The following GANC variants were observed in gnomAD, a reference collection of about 807,000 sequenced individuals.
The protein encoded by GANC is neutral alpha-glucosidase C.
In GANC, 117 loss-of-function variants were observed where a neutral mutation model predicts 124.2. The observed-to-expected ratio is 0.94, with a 90% CI of 0.81 to 1.10. GANC has a LOEUF of 1.10. Ranked by LOEUF, GANC falls within the 50% of genes least tolerant of loss-of-function variation. The pLI is 0.00. For missense variants in GANC, 1,140 were observed against 1,095.0 expected (o/e 1.04, Z -0.58); for synonymous variants, 377 against 376.8 (o/e 1.00, Z -0.01).
chr15:42,289,828 T>C (rs1043119572), intron 4 of GANC, among the ~76,000 whole-genome samples: 2 of 152,142 alleles, frequency 1.3e-5, no homozygotes, highest in African/African-American at 4.8e-5. Context: ...TTTAAAGCAG[T>C]AAATAAGTTA....
chr15:42,283,368 AGTT>A (rs533199144), intron 3 of GANC, among the ~76,000 whole-genome samples: 57 of 152,316 alleles, frequency 3.7e-4, no homozygotes, highest in Admixed American at 1.1e-3. Context: ...TGTAGAACTC[AGTT>A]GTTGTTGTTG....
intron 10 of GANC, among the ~76,000 whole-genome samples, chr15:42,312,312 A>G (rs975158476): frequency 1.6e-4 from 25 of 152,148 alleles, no homozygotes; most frequent in African/African-American, 5.5e-4. Flanking sequence ...GTTGTGGGAG[A>G]GACCCGGTGG....
chr15:42,290,680 C>T (rs527859630), intron 4 of GANC, among the ~76,000 whole-genome samples: 97 of 152,238 alleles, frequency 6.4e-4, no homozygotes, highest in Non-Finnish European at 1.1e-3. Flanking sequence ...TGGTAGCACA[C>T]ACCTGTTGTC....
chr15:42,317,935 G>T (rs1346197564), intron 10 of GANC, among the ~76,000 whole-genome samples: 4 of 152,200 alleles, frequency 2.6e-5, no homozygotes, highest in Non-Finnish European at 5.9e-5. Flanking sequence ...CTCCTGCTGA[G>T]GGTTTAGCTC....
chr15:42,317,231 A>G (rs989904301), intron 10 of GANC, among the ~76,000 whole-genome samples: 1 of 152,242 alleles, frequency 6.6e-6, no homozygotes, highest in African/African-American at 2.4e-5. Context: ...AATATTATTC[A>G]GCTATAAAAA....
At chr15:42,300,684 A>T (rs892672374) in intron 6 of GANC, among the ~76,000 whole-genome samples, 2 of 152,176 alleles carry the variant, frequency 1.3e-5, no homozygotes, top group East Asian at 3.9e-4. Context: ...AATAGCAAAG[A>T]CATGAAACCA....
chr15:42,302,405 G>A (rs933176666), intron 6 of GANC, among the ~76,000 whole-genome samples: 5 of 152,078 alleles, frequency 3.3e-5, no homozygotes, highest in Admixed American at 1.3e-4. Context: ...AAAAACCAGC[G>A]CAAAAGGCTG....
At chr15:42,319,375 C>T (rs2052136675) in intron 10 of GANC, among the ~76,000 whole-genome samples, 1 of 151,796 alleles carries the variant, frequency 6.6e-6, no homozygotes, top group Admixed American at 6.6e-5. Context: ...AAACAAAAAA[C>T]ACTCTGTTGC....
chr15:42,325,132 G>A (rs183447145), intron 11 of GANC, among the ~76,000 whole-genome samples: 223 of 151,806 alleles, frequency 1.5e-3, no homozygotes, highest in South Asian at 0.01. Context: ...AATTAGTCCA[G>A]CATGGTGGCG....
At chr15:42,310,016 C>T (rs2052035459) in intron 8 of GANC, among the ~76,000 whole-genome samples, 1 of 151,962 alleles carries the variant, frequency 6.6e-6, no homozygotes, top group African/African-American at 2.4e-5. Context: ...GAGACCCTAT[C>T]TGGAAAAAAG....
At chr15:42,301,745 G>A (rs2051948050) in intron 6 of GANC, among the ~76,000 whole-genome samples, 1 of 152,172 alleles carries the variant, frequency 6.6e-6, no homozygotes, top group South Asian at 2.1e-4. Flanking sequence ...CTGGAATTTT[G>A]AGCTGGGTGG....
chr15:42,345,960 C>T, intron 20 of GANC, 128 bp downstream of exon 20: 1 of 648,802 alleles, frequency 1.5e-6, no homozygotes, highest in East Asian at 2.8e-5. Flanking sequence ...GTTTTGGAGG[C>T]TGGAAGTTCC....
chr15:42,278,919 C>T (rs963784530), intron 3 of GANC, among the ~76,000 whole-genome samples: 7 of 152,042 alleles, frequency 4.6e-5, no homozygotes, highest in Admixed American at 6.6e-5. Flanking sequence ...CTCTTGAGCC[C>T]GGGAGGTCGA....
At chr15:42,345,870 C>T (rs2052359395) in intron 20 of GANC, 38 bp downstream of exon 20, 1 of 1,414,600 alleles carries the variant, frequency 7.1e-7, no homozygotes, top group South Asian at 1.2e-5. Flanking sequence ...ACCTATCATG[C>T]TCTATTGGTC....
chr15:42,276,401 C>T lies in GANC; in HGVS notation c.83C>T (p.Ala28Val). 1 of 1,417,174 alleles carries T rather than the reference C, an allele frequency of 7.1e-7. No individual in the cohort carries two copies. 87.8% of individuals were successfully genotyped at this position (1,417,174 alleles called of 1,614,324 possible). A position where few individuals can be genotyped will look rare whatever the true frequency, so the allele number is the denominator to read the frequency against. The change falls in exon 2 of 24, where the codon GCA (alanine) becomes GTA (valine). Residue 28 changes from alanine to valine, a missense_variant. Coordinates refer to ENST00000318010, the MANE Select transcript of GANC (RefSeq NM_198141.3). ...KNIFRDCNKI[A>V]FYRRQKQWLS... Reference sequence around the variant, plus strand: ...ATTTTCAGAGACTGTAACAAGATCGCATTTTACAGGTAAGGAAAATAAATA... The same window carrying T: ...ATTTTCAGAGACTGTAACAAGATCGTATTTTACAGGTAAGGAAAATAAATA...
At chr15:42,318,159 C>T (rs1178874849) in intron 10 of GANC, among the ~76,000 whole-genome samples, 2 of 152,224 alleles carry the variant, frequency 1.3e-5, no homozygotes, top group Non-Finnish European at 2.9e-5. Flanking sequence ...CCCTGCACAG[C>T]TTTCATCTCA....
At chr15:42,296,120 C>T (rs1157499836) in intron 5 of GANC, among the ~76,000 whole-genome samples, 4 of 140,078 alleles carry the variant, frequency 2.9e-5, no homozygotes, top group African/African-American at 8.1e-5. Context: ...CCAGGCGGGG[C>T]GACAAGAGCA....
intron 3 of GANC, among the ~76,000 whole-genome samples, chr15:42,285,753 C>T (rs1251557346): frequency 1.3e-5 from 2 of 152,150 alleles, no homozygotes; most frequent in African/African-American, 4.8e-5. Context: ...CAAGATTGCG[C>T]CACTGCACTC....
At chr15:42,323,321 T>G (rs1408719067) in intron 11 of GANC, among the ~76,000 whole-genome samples, 1 of 152,110 alleles carries the variant, frequency 6.6e-6, no homozygotes, top group Non-Finnish European at 1.5e-5. Flanking sequence ...TATACAGAGA[T>G]GAGCTCCTTG....
Sources: gnomAD v4.1 joint callset for allele counts (sites outside exome capture counted in the v4.1 genomes callset) on GRCh38, gnomAD v4.1.1 for gene constraint, MANE v1.5 for transcripts, NCBI Gene and HGNC (gene_info 2026-07-23, HGNC 2026-07-21) for gene names.